DOK6: variants seen among roughly 807,000 people sequenced by gnomAD.
DOK6 encodes docking protein 6, also known as downstream of tyrosine kinase 6.
In DOK6, 22 loss-of-function variants were observed where a neutral mutation model predicts 44.0. That is an observed-to-expected ratio of 0.50 (90% CI 0.36 to 0.71). DOK6 has a LOEUF of 0.71. Among genes scored for constraint, DOK6 ranks in the 30% least tolerant of loss-of-function variants. DOK6 has a pLI of 0.00. For synonymous variants in DOK6, 166 were observed against 145.5 expected, an observed-to-expected ratio of 1.14 and a Z score of -1.01; for missense variants, 340 against 416.4, an observed-to-expected ratio of 0.82 and a Z score of 1.60.
rs371523182 is a variant in DOK6, at chr18:69,407,578, A to T, written c.66+6268A>T. Among the ~76,000 whole-genome samples, 11 of 152,336 alleles carry T rather than the reference A, an allele frequency of 7.2e-5. No individual in the cohort carries two copies. The East Asian group carries it at 1.2e-3, about 16-fold the overall frequency. ...CATAAATCCTCTTTAGATTTATTTT[A>T]AGATACAGAGCAGTATTATCCTCTA... On this transcript the variant is annotated intron_variant, in intron 1 of 7. Coordinates refer to ENST00000382713, the MANE Select transcript of DOK6 (RefSeq NM_152721.6).
intron 1 of DOK6, among the ~76,000 whole-genome samples, chr18:69,464,911 G>A (rs1979883285): frequency 6.6e-6 from 1 of 152,258 alleles, no homozygotes; most frequent in African/African-American, 2.4e-5. Context: ...ACTTTTCAAA[G>A]TAAATCCTCT....
chr18:69,822,565 A>T (rs1981606417), intron 7 of DOK6, among the ~76,000 whole-genome samples: 2 of 152,190 alleles, frequency 1.3e-5, no homozygotes, highest in Non-Finnish European at 2.9e-5. Context: ...CCAGCCTGAC[A>T]TTTCCCCCAG....
chr18:69,436,226 T>A (rs1978975121), intron 1 of DOK6, among the ~76,000 whole-genome samples: 1 of 151,766 alleles, frequency 6.6e-6, no homozygotes, highest in African/African-American at 2.4e-5. Flanking sequence ...CGTGCAGGTT[T>A]GTTACATAGG....
intron 1 of DOK6, among the ~76,000 whole-genome samples, chr18:69,446,445 C>T (rs1046981295): frequency 4.6e-5 from 7 of 151,922 alleles, no homozygotes; most frequent in Non-Finnish European, 1.0e-4. Flanking sequence ...TTTTCTTAAT[C>T]CAGTCTATCA....
At chr18:69,664,912 C>G (rs188831562) in intron 3 of DOK6, among the ~76,000 whole-genome samples, 1 of 152,270 alleles carries the variant, frequency 6.6e-6, no homozygotes, top group Admixed American at 6.5e-5. Context: ...GGTGCGATGG[C>G]TCACGCCTGT....
At chr18:69,419,703 A>G (rs1044386963) in intron 1 of DOK6, among the ~76,000 whole-genome samples, 1 of 152,164 alleles carries the variant, frequency 6.6e-6, no homozygotes, top group African/African-American at 2.4e-5. Flanking sequence ...AAGGATGAAG[A>G]AGTAAAAAGA....
intron 3 of DOK6, among the ~76,000 whole-genome samples, chr18:69,618,923 C>T (rs1454377951): frequency 6.6e-6 from 1 of 151,818 alleles, no homozygotes; most frequent in Non-Finnish European, 1.5e-5. Context: ...CAAAGTGATA[C>T]AGAACTTCTA....
At chr18:69,777,365 T>C (rs1488410401) in intron 7 of DOK6, among the ~76,000 whole-genome samples, 2 of 152,106 alleles carry the variant, frequency 1.3e-5, no homozygotes, top group Non-Finnish European at 2.9e-5. Flanking sequence ...TGAATTATAT[T>C]AGAGGTATGA....
chr18:69,551,001 GT>G (rs5825953), intron 1 of DOK6, among the ~76,000 whole-genome samples: 15,008 of 150,188 alleles, frequency 0.1, 814 homozygotes, highest in South Asian at 0.16. Context: ...CCAGGCTGGA[GT>G]TTTTTTTTAA....
At chr18:69,741,074 G>T (rs989013463) in intron 6 of DOK6, among the ~76,000 whole-genome samples, 8 of 152,172 alleles carry the variant, frequency 5.3e-5, no homozygotes, top group African/African-American at 1.7e-4. Flanking sequence ...GTAACCACAG[G>T]CAGTCTAAAG....
chr18:69,810,791 A>AAAAAG (rs1981199652), intron 7 of DOK6, among the ~76,000 whole-genome samples: 1 of 152,040 alleles, frequency 6.6e-6, no homozygotes, highest in African/African-American at 2.4e-5. Context: ...CAAACAGACA[A>AAAAAG]AAAAGAATAA....
intron 7 of DOK6, among the ~76,000 whole-genome samples, chr18:69,779,637 T>C (rs1250505379): frequency 6.6e-6 from 1 of 152,088 alleles, no homozygotes; most frequent in Non-Finnish European, 1.5e-5. Flanking sequence ...AAAAATATTA[T>C]GAGTGCTTAA....
At chr18:69,827,512 T>C (rs1230876822) in intron 7 of DOK6, among the ~76,000 whole-genome samples, 1 of 152,100 alleles carries the variant, frequency 6.6e-6, no homozygotes. Context: ...TAATTCATTT[T>C]GATAATTACA....
intron 3 of DOK6, among the ~76,000 whole-genome samples, chr18:69,615,463 A>G (rs570641714): frequency 1.3e-5 from 2 of 152,348 alleles, no homozygotes; most frequent in African/African-American, 4.8e-5. Flanking sequence ...CTGGTTTATA[A>G]CCATCTGCTT....
At chr18:69,758,977 T>TA (rs1473594632) in intron 7 of DOK6, among the ~76,000 whole-genome samples, 1 of 152,238 alleles carries the variant, frequency 6.6e-6, no homozygotes, top group Non-Finnish European at 1.5e-5. Flanking sequence ...AATTAATGGT[T>TA]AAAGATATGT....
chr18:69,784,517 C>T (rs1297413424), intron 7 of DOK6, among the ~76,000 whole-genome samples: 3 of 151,464 alleles, frequency 2.0e-5, no homozygotes, highest in African/African-American at 4.8e-5. Context: ...TATTATGATG[C>T]ACTTGTAATT....
chr18:69,682,957 A>C (rs1380347334), intron 4 of DOK6, among the ~76,000 whole-genome samples: 1 of 152,216 alleles, frequency 6.6e-6, no homozygotes. Flanking sequence ...CACCTTACTC[A>C]TGTGGAAAAT....
chr18:69,675,329 C>T (rs1985896158), intron 3 of DOK6, among the ~76,000 whole-genome samples: 1 of 152,176 alleles, frequency 6.6e-6, no homozygotes, highest in Non-Finnish European at 1.5e-5. Context: ...CACCGACTTA[C>T]TGCTTAAAGA....
chr18:69,828,524 A>G (rs1190495226), intron 7 of DOK6, among the ~76,000 whole-genome samples: 1 of 151,858 alleles, frequency 6.6e-6, no homozygotes, highest in African/African-American at 2.4e-5. Context: ...TGAATGCTAC[A>G]TTGACTAAAA....
Sources: gnomAD v4.1 joint callset for allele counts (sites outside exome capture counted in the v4.1 genomes callset) on GRCh38, gnomAD v4.1.1 for gene constraint, MANE v1.5 for transcripts, NCBI Gene and HGNC (gene_info 2026-07-23, HGNC 2026-07-21) for gene names.